PTPN18: variants seen among roughly 807,000 people sequenced by gnomAD.
The protein encoded by PTPN18 is protein tyrosine phosphatase non-receptor type 18.
A neutral mutation model predicts 65.4 loss-of-function variants in PTPN18; 65 were observed. The observed-to-expected ratio is 0.99, with a 90% confidence interval of 0.81 to 1.22. The LOEUF is 1.22. Ranked by LOEUF, PTPN18 falls within the 50% of genes most tolerant of loss-of-function variation. The probability of loss-of-function intolerance (pLI) is 0.00; values close to 1 mark genes in which losing one functional copy is unlikely to be tolerated. For missense variants in PTPN18, 616 were observed against 646.5 expected (o/e 0.95, Z 0.51); for synonymous variants, 255 against 267.8 (o/e 0.95, Z 0.47).
chr2:130,359,725 AG>A, intron 5 of PTPN18, 79 bp downstream of exon 5: 1 of 1,512,574 alleles, frequency 6.6e-7, no homozygotes, highest in Non-Finnish European at 9.2e-7. Flanking sequence ...CCTTGACCCC[AG>A]GACCCGAGGG....
At chr2:130,371,426 C>A (rs1223413999) in intron 12 of PTPN18, 139 bp downstream of exon 12, 3 of 711,814 alleles carry the variant, frequency 4.2e-6, no homozygotes, top group Non-Finnish European at 6.9e-6. Context: ...CTCTGGGAAC[C>A]CACCCCAAGA....
intron 5 of PTPN18, among the ~76,000 whole-genome samples, chr2:130,366,283 T>G (rs1290930766): frequency 1.3e-5 from 2 of 152,250 alleles, no homozygotes; most frequent in Non-Finnish European, 2.9e-5. Flanking sequence ...GCCTACATTC[T>G]GTGCAGACGG....
rs1465043953 is a variant in PTPN18 at position 130,358,927 on chromosome 2, A to G, written c.154A>G (p.Ser52Gly). 1.2e-6 allele frequency: 2 copies of G among 1,614,188 alleles called. No homozygotes were observed. Among genetic ancestry groups the G allele is most frequent in the East Asian group, 2.2e-5 (1 of 44,884 alleles). ...ADGVCSTVAG[S>G]RPENVRKNRY... Reference sequence around the variant, plus strand: ...CGGCGTGTGCTCCACCGTGGCCGGCAGTCGGCCAGAGAACGTGAGGAAGAA... The same window carrying G: ...CGGCGTGTGCTCCACCGTGGCCGGCGGTCGGCCAGAGAACGTGAGGAAGAA... Residue 52 changes from serine (S) to glycine (G), a missense_variant, in exon 2 of 15, where the codon AGT (serine) becomes GGT (glycine). Physicochemically the swap from Ser to Gly is moderately conservative, Grantham distance 56. Around this residue, in one of 3 missense-constraint regions of PTPN18, gnomAD observed 223 missense variants for 210.0 expected, o/e 1.06. Coordinates refer to ENST00000175756, the MANE Select transcript of PTPN18 (RefSeq NM_014369.4).
rs2104959874 is a variant in PTPN18 at position 130,374,306 on chromosome 2, C to A, written c.*1082C>A. 1 of 242,762 alleles carries A rather than the reference C, an allele frequency of 4.1e-6. No homozygotes were observed. Among genetic ancestry groups the A allele is most frequent in the Non-Finnish European group, 8.4e-6 (1 of 119,564 alleles). 15.0% of individuals were successfully genotyped at this position (242,762 alleles called of 1,614,324 possible). A position where few individuals can be genotyped will look rare whatever the true frequency, so the allele number is the denominator to read the frequency against. On this transcript the variant is annotated 3_prime_UTR_variant, in exon 15 of 15. Transcript: ENST00000175756. Reference sequence around the variant, plus strand: ...GACTGACCCCTTACTATTCACACAGCCTGCCGAGTAGCTGGGACTACAGGT... The same window carrying A: ...GACTGACCCCTTACTATTCACACAGACTGCCGAGTAGCTGGGACTACAGGT...
Position 130,359,486 on chromosome 2 carries a change from G to A in PTPN18, c.369G>A (p.Gly123=). 1.2e-6 allele frequency: 2 copies of A among 1,614,110 alleles called. No individual in the cohort carries two copies. Among genetic ancestry groups the A allele is most frequent in the Non-Finnish European group, 1.7e-6 (2 of 1,180,012 alleles). The stretch of plus-strand genomic sequence containing the variant: ...TCTGGAGACTGGTCTGGGAGTTTGG[G>A]GTCAAGGTCAGCACTTGGGGGTGCG... ...LDFWRLVWEF[G]VKVILMACRE... Residue 123 remains glycine, a synonymous_variant, in exon 4 of 15, where the codon GGG becomes GGA. Coordinates refer to ENST00000175756, the MANE Select transcript of PTPN18 (RefSeq NM_014369.4).
Position 130,371,261 on chromosome 2 carries a change from A to G in PTPN18, c.987A>G (p.Ile329Met). Reference protein sequence around the residue: ...FLRTPQALLAIPRPPGGVLRS... With the variant: ...FLRTPQALLAMPRPPGGVLRS... Reference sequence around the variant, plus strand: ...GGACTCCCCAGGCACTTCTCGCCATACCCCGCCCACCAGGAGGGGTCCTCA... The same window carrying G: ...GGACTCCCCAGGCACTTCTCGCCATGCCCCGCCCACCAGGAGGGGTCCTCA... Residue 329 changes from isoleucine (I) to methionine (M), a missense_variant, in exon 12 of 15, where the codon ATA becomes ATG. Around this residue, in one of 3 missense-constraint regions of PTPN18, gnomAD observed 368 missense variants for 386.7 expected, o/e 0.95. Coordinates refer to ENST00000175756, the MANE Select transcript of PTPN18 (RefSeq NM_014369.4). 5.0e-6 allele frequency: 8 copies of G among 1,606,276 alleles called. No individual in the cohort carries two copies. Among genetic ancestry groups the G allele is most frequent in the Non-Finnish European group, 5.9e-6 (7 of 1,176,528 alleles).
At chr2:130,366,524 T>G (rs1045185272) in intron 5 of PTPN18, among the ~76,000 whole-genome samples, 1 of 152,204 alleles carries the variant, frequency 6.6e-6, no homozygotes, top group African/African-American at 2.4e-5. Flanking sequence ...TTGAGAATTT[T>G]TGTGTCTATG....
intron 5 of PTPN18, among the ~76,000 whole-genome samples, chr2:130,364,656 C>T (rs924443910): frequency 1.3e-5 from 2 of 152,090 alleles, no homozygotes; most frequent in South Asian, 4.1e-4. Context: ...ATTAGCCAGG[C>T]GTGGTGGCAG....
intron 5 of PTPN18, among the ~76,000 whole-genome samples, chr2:130,367,442 G>C (rs1680421055): frequency 6.6e-6 from 1 of 152,100 alleles, no homozygotes; most frequent in South Asian, 2.1e-4. Flanking sequence ...GGGAGGCCAA[G>C]GTAGGTGTAT....
intron 5 of PTPN18, among the ~76,000 whole-genome samples, chr2:130,364,728 G>A (rs1003125995): frequency 1.3e-5 from 2 of 152,212 alleles, no homozygotes; most frequent in African/African-American, 4.8e-5. Flanking sequence ...CCCATGAGGC[G>A]GAGCTTGCAG....
chr2:130,370,015 T>G, intron 7 of PTPN18, 33 bp from the exon 8 acceptor site: 1 of 1,607,474 alleles, frequency 6.2e-7, no homozygotes, highest in East Asian at 2.2e-5. Flanking sequence ...TTTTTTTTCC[T>G]AAGTCTTTTG....
At chr2:130,359,875 C>T in intron 5 of PTPN18, 1 of 591,670 alleles carries the variant, frequency 1.7e-6, no homozygotes, top group African/African-American at 1.9e-5. Context: ...CACCTTAGAC[C>T]ATAAGGCCCT....
intron 13 of PTPN18, 114 bp from the exon 14 acceptor site, chr2:130,372,759 C>A: frequency 1.5e-6 from 2 of 1,301,812 alleles, no homozygotes; most frequent in African/African-American, 1.5e-5. Context: ...TTCTCCCGCC[C>A]GGCGCCCTCG....
intron 8 of PTPN18, 92 bp downstream of exon 8, chr2:130,370,282 A>G: frequency 6.4e-7 from 1 of 1,551,612 alleles, no homozygotes; most frequent in Non-Finnish European, 8.7e-7. Flanking sequence ...TTGTAGTCTG[A>G]GTGCCTATTT....
intron 5 of PTPN18, among the ~76,000 whole-genome samples, chr2:130,365,270 C>T (rs1260408399): frequency 6.6e-6 from 1 of 152,136 alleles, no homozygotes; most frequent in Admixed American, 6.5e-5. Flanking sequence ...CTGTTGTTAA[C>T]CAAAACATCA....
chr2:130,374,524 C>T lies in PTPN18; in HGVS notation c.*1300C>T. On this transcript the variant is annotated 3_prime_UTR_variant, in exon 15 of 15. Transcript: ENST00000175756. The stretch of plus-strand genomic sequence containing the variant: ...TGGTAGGGTTCCTGCTAGGATAAAA[C>T]ATTAAGCGGCTGTTAAAAGAAATAA... 1 of 426,064 alleles carries T rather than the reference C, an allele frequency of 2.3e-6. No individual in the cohort carries two copies. The highest frequency in any genetic ancestry group is 4.9e-6 in the Non-Finnish European group (1 of 205,900). The allele number at this position is 426,064 out of a possible 1,614,324, so 26.4% of individuals were successfully genotyped here.
intron 12 of PTPN18, 166 bp from the exon 13 acceptor site, chr2:130,372,091 C>T (rs973529756): frequency 5.0e-6 from 3 of 598,128 alleles, no homozygotes; most frequent in Non-Finnish European, 8.4e-6. Flanking sequence ...ACTTGCAGGG[C>T]GCTAGGGACA....
At chr2:130,360,286 C>G (rs1680151619) in intron 5 of PTPN18, among the ~76,000 whole-genome samples, 1 of 152,204 alleles carries the variant, frequency 6.6e-6, no homozygotes, top group Non-Finnish European at 1.5e-5. Flanking sequence ...GTAAGATCCA[C>G]AAGGCCAGGG....
intron 13 of PTPN18, 137 bp downstream of exon 13, chr2:130,372,620 T>G (rs1437359460): frequency 1.4e-5 from 17 of 1,175,404 alleles, no homozygotes; most frequent in Non-Finnish European, 2.0e-5. Flanking sequence ...GACGCTGATG[T>G]CCAGGCGTCC....
Sources: allele counts gnomAD v4.1 joint callset (sites outside exome capture counted in the v4.1 genomes callset), GRCh38; gene constraint gnomAD v4.1.1; regional missense constraint gnomAD v4.1.1; transcripts MANE v1.5; gene names NCBI Gene and HGNC (gene_info 2026-07-23, HGNC 2026-07-21).